TEX9: variants seen among roughly 807,000 people sequenced by gnomAD.
The protein encoded by TEX9 is testis expressed 9.
A neutral mutation model predicts 59.6 loss-of-function variants in TEX9; 74 were observed. The observed-to-expected ratio is 1.24, with a 90% CI of 1.03 to 1.51. The LOEUF (loss-of-function observed/expected upper bound fraction) is 1.51. Ranked by LOEUF, TEX9 falls within the 40% of genes most tolerant of loss-of-function variation. TEX9 has a pLI of 0.00. For synonymous variants in TEX9, 186 were observed against 152.2 expected, an observed-to-expected ratio of 1.22 and a Z score of -1.64; for missense variants, 522 against 447.8, an observed-to-expected ratio of 1.17 and a Z score of -1.49.
intron 1 of TEX9, among the ~76,000 whole-genome samples, chr15:56,320,612 C>T (rs1323518985): frequency 1.3e-5 from 2 of 152,166 alleles, no homozygotes; most frequent in African/African-American, 4.8e-5. Flanking sequence ...GGTCCAATCC[C>T]TGTGACCTCA....
At chr15:56,449,357 A>G (rs536684491), downstream of TEX9, among the ~76,000 whole-genome samples, 1 of 150,742 alleles carries the variant, frequency 6.6e-6, no homozygotes, top group Non-Finnish European at 1.5e-5. Flanking sequence ...ATTCATATCA[A>G]TGGGCTTTTT....
At chr15:56,395,766 T>C (rs935208972) in intron 9 of TEX9, 12 of 152,222 alleles carry the variant, frequency 7.9e-5, no homozygotes, top group Non-Finnish European at 2.9e-5. Context: ...ATTTGTATAT[T>C]TTCTTTGGAG....
chr15:56,451,574 C>T, the TEX9 span, among the ~76,000 whole-genome samples: 1 of 152,190 alleles, frequency 6.6e-6, no homozygotes, highest in East Asian at 1.9e-4. Flanking sequence ...TCAGTCCAAT[C>T]CTGCAACTTT....
the TEX9 span, among the ~76,000 whole-genome samples, chr15:56,453,416 A>G: frequency 6.6e-6 from 1 of 152,204 alleles, no homozygotes; most frequent in Middle Eastern, 3.4e-3. Context: ...TGCTCTTTTA[A>G]TCTATCTCAT....
At chr15:56,309,693 G>GTTTATTTTTTTT (rs1290352080) in intron 1 of TEX9, among the ~76,000 whole-genome samples, 10 of 60,786 alleles carry the variant, frequency 1.6e-4, no homozygotes, top group Non-Finnish European at 2.5e-4. Context: ...TTTATGGGAA[G>GTTTATTTTTTTT]TTTTTTTTTT....
At chr15:56,368,807 T>C (rs1259887392) in intron 2 of TEX9, among the ~76,000 whole-genome samples, 1 of 152,120 alleles carries the variant, frequency 6.6e-6, no homozygotes. Context: ...TCTTTTTCTA[T>C]CAAGCTTCCT....
chr15:56,363,967 C>T (rs2046842981), upstream of TEX9, among the ~76,000 whole-genome samples: 1 of 151,730 alleles, frequency 6.6e-6, no homozygotes, highest in Non-Finnish European at 1.5e-5. Flanking sequence ...CAGGCATGAG[C>T]CACTGCACCT....
intron 2 of TEX9, among the ~76,000 whole-genome samples, chr15:56,370,196 A>T (rs986597926): frequency 1.3e-5 from 2 of 151,984 alleles, no homozygotes; most frequent in South Asian, 4.2e-4. Context: ...ATGGGTTTTC[A>T]TTATGTCTTT....
At chr15:56,409,191 G>A (rs1453393932) in intron 9 of TEX9, among the ~76,000 whole-genome samples, 6 of 149,442 alleles carry the variant, frequency 4.0e-5, no homozygotes, top group Non-Finnish European at 8.9e-5. Flanking sequence ...GCGAGACTCC[G>A]TCTCAAAAAA....
intron 5 of TEX9, among the ~76,000 whole-genome samples, chr15:56,388,804 G>GTA (rs1187222825): frequency 1.3e-5 from 2 of 151,940 alleles, no homozygotes; most frequent in Non-Finnish European, 2.9e-5. Context: ...CTTAAATCTA[G>GTA]TAGAGAGAAG....
intron 12 of TEX9, among the ~76,000 whole-genome samples, chr15:56,433,676 A>G (rs1317183989): frequency 6.6e-6 from 1 of 152,122 alleles, no homozygotes; most frequent in Non-Finnish European, 1.5e-5. Context: ...TCTCACTTGA[A>G]TCGTCTTTCA....
chr15:56,256,691 G>T (rs2044152600), intron 1 of TEX9, among the ~76,000 whole-genome samples: 1 of 151,788 alleles, frequency 6.6e-6, no homozygotes. Context: ...AATTAGAAGG[G>T]GATATAATTA....
At chr15:56,420,035 G>A (rs1205243558) in intron 10 of TEX9, among the ~76,000 whole-genome samples, 1 of 151,510 alleles carries the variant, frequency 6.6e-6, no homozygotes, top group Non-Finnish European at 1.5e-5. Context: ...TTTCGTTTAT[G>A]TTGTCAAATT....
At chr15:56,426,626 T>TATATATATATACACACAC (rs1214988827) in intron 10 of TEX9, among the ~76,000 whole-genome samples, 1 of 47,176 alleles carries the variant, frequency 2.1e-5, no homozygotes, top group African/African-American at 5.3e-5. Context: ...TATATATATA[T>TATATATATATACACACAC]ACACACACAC....
chr15:56,365,102 C>T (rs1179346907), upstream of TEX9, among the ~76,000 whole-genome samples: 4 of 152,198 alleles, frequency 2.6e-5, no homozygotes, highest in African/African-American at 2.4e-5. Context: ...GTCGGATTAG[C>T]CACTAACGGT....
At chr15:56,329,258 G>A (rs751065249) in intron 1 of TEX9, among the ~76,000 whole-genome samples, 3 of 152,152 alleles carry the variant, frequency 2.0e-5, no homozygotes, top group African/African-American at 7.2e-5. Flanking sequence ...GTATGGCTTA[G>A]ATTTCAACAC....
chr15:56,250,324 G>T lies in TEX9; in HGVS notation c.-107+6046G>T, dbSNP rs562293415. ...AGAGCAAAAGGAGCTAAAGTTAAAA[G>T]TGGCGTGGAGGACTTGGGATGGAGC... On this transcript the variant is annotated intron_variant, in intron 1 of 5. Coordinates refer to the TEX9 transcript ENST00000560827. Among the ~76,000 whole-genome samples the T allele has an allele frequency of 3.9e-5, 6 of 152,328 alleles. No homozygotes were observed. The South Asian group carries it at 1.2e-3, about 32-fold the overall frequency.
chr15:56,448,085 T>C (rs2050921032), downstream of TEX9, among the ~76,000 whole-genome samples: 1 of 152,168 alleles, frequency 6.6e-6, no homozygotes, highest in Non-Finnish European at 1.5e-5. Context: ...TATGTGGATA[T>C]TGCAAATAAA....
intron 1 of TEX9, among the ~76,000 whole-genome samples, chr15:56,268,167 A>T (rs1353416012): frequency 3.9e-5 from 6 of 152,104 alleles, no homozygotes; most frequent in African/African-American, 1.2e-4. Context: ...TTTTTGCACA[A>T]TGATTTTGTA....
Sources: gnomAD v4.1 joint callset for allele counts (sites outside exome capture counted in the v4.1 genomes callset) on GRCh38, gnomAD v4.1.1 for gene constraint, MANE v1.5 for transcripts, NCBI Gene and HGNC (gene_info 2026-07-23, HGNC 2026-07-21) for gene names.